The following LAMA3 variants were observed in gnomAD, a reference collection of about 807,000 sequenced individuals.
LAMA3 encodes the protein laminin subunit alpha 3.
A neutral mutation model predicts 402.0 loss-of-function variants in LAMA3; 281 were observed. The observed-to-expected ratio is 0.70, with a 90% CI of 0.63 to 0.77. The LOEUF (loss-of-function observed/expected upper bound fraction) is 0.77. Ranked by LOEUF, LAMA3 falls within the 30% of genes least tolerant of loss-of-function variation. The probability of loss-of-function intolerance (pLI) is 0.00; values close to 1 mark genes in which losing one functional copy is unlikely to be tolerated. For synonymous variants in LAMA3, 1,431 were observed against 1,558.4 expected, an observed-to-expected ratio of 0.92 and a Z score of 1.93; for missense variants, 3,840 against 4,215.5, an observed-to-expected ratio of 0.91 and a Z score of 2.47.
At chr18:23,861,852 C>G (rs760896079) in intron 35 of LAMA3, 45 bp downstream of exon 35, 1 of 1,556,614 alleles carries the variant, frequency 6.4e-7, no homozygotes, top group South Asian at 1.2e-5. Context: ...TGGGCCTCTG[C>G]TATTGCTGCA....
At chr18:23,924,240 C>T (rs1297652770) in intron 62 of LAMA3, among the ~76,000 whole-genome samples, 2 of 152,182 alleles carry the variant, frequency 1.3e-5, no homozygotes, top group Non-Finnish European at 2.9e-5. Context: ...CAACCTCTGC[C>T]TCCTGGGCTC....
chr18:23,822,315 A>G lies in LAMA3; in HGVS notation c.2368A>G (p.Arg790Gly). The change falls in exon 20 of 75, where the codon AGA (arginine) becomes GGA (glycine). Residue 790 changes from arginine (R) to glycine (G), a missense_variant. Arg to Gly is a moderately radical substitution (Grantham distance 125). Coordinates refer to ENST00000313654, the MANE Select transcript of LAMA3 (RefSeq NM_198129.4). ...SSGSLFRVILRYVNPGTEAVS... is the reference protein window; with the variant it reads ...SSGSLFRVILGYVNPGTEAVS... ...TGGCTCCTTGTTTCGTGTTATTCTG[A>G]GATACGTTAACCCTGGAACTGAAGC... 1 of 1,613,750 alleles carries G rather than the reference A, an allele frequency of 6.2e-7. No individual in the cohort carries two copies. Among genetic ancestry groups the G allele is most frequent in the South Asian group, 1.1e-5 (1 of 91,072 alleles).
rs76019487 is a variant in LAMA3 at position 23,736,035 on chromosome 18, G to A, written c.448-11908G>A. ...AGGAATGAGGGATGGTTTTTATTGG[G>A]CCCTTTCAAAAACTTCAACATTAAG... is the stretch of plus-strand genomic sequence containing the variant. On this transcript the variant is annotated intron_variant, in intron 2 of 74. Transcript: ENST00000313654. Among the ~76,000 whole-genome samples the A allele has an allele frequency of 2.0e-5, 3 of 151,962 alleles. No homozygotes were observed. In the East Asian group the frequency reaches 5.8e-4, roughly 29 times the overall value.
Position 23,759,858 on chromosome 18 carries a change from G to A in LAMA3, c.1063+1347G>A, listed in dbSNP as rs921107061. Among the ~76,000 whole-genome samples, 5 of 152,260 alleles carry A rather than the reference G, an allele frequency of 3.3e-5. No homozygotes were observed. The East Asian group carries it at 7.7e-4, about 24-fold the overall frequency. On this transcript the variant is annotated intron_variant, in intron 7 of 74. Transcript: ENST00000313654. ...GGCCATCTCAGGGAAATGCTCTGGC[G>A]CACCTCTGAGTCCCAGGTGTTGCTT...
chr18:23,906,114 A>C (rs1364656990), intron 52 of LAMA3, among the ~76,000 whole-genome samples: 1 of 152,146 alleles, frequency 6.6e-6, no homozygotes, highest in Non-Finnish European at 1.5e-5. Context: ...TCATGTATCC[A>C]CCCAATATTC....
chr18:23,754,186 G>T (rs2061801801), intron 6 of LAMA3, among the ~76,000 whole-genome samples: 1 of 152,136 alleles, frequency 6.6e-6, no homozygotes, highest in Non-Finnish European at 1.5e-5. Context: ...TTAAATTGTG[G>T]TGAAATACAC....
At chr18:23,761,116 T>C (rs1243878071) in intron 7 of LAMA3, among the ~76,000 whole-genome samples, 1 of 152,236 alleles carries the variant, frequency 6.6e-6, no homozygotes, top group East Asian at 1.9e-4. Flanking sequence ...TAATTTTATA[T>C]CCTAATTTTT....
intron 47 of LAMA3, among the ~76,000 whole-genome samples, chr18:23,900,087 A>G (rs200688109): frequency 4.0e-5 from 5 of 125,482 alleles, no homozygotes; most frequent in Admixed American, 8.0e-5. Flanking sequence ...GTGTGTGTGT[A>G]TGTGACAGAG....
intron 12 of LAMA3, among the ~76,000 whole-genome samples, chr18:23,808,684 C>T (rs1386422611): frequency 6.6e-6 from 1 of 152,210 alleles, no homozygotes; most frequent in African/African-American, 2.4e-5. Context: ...AGTTCCCCTC[C>T]ATCAGTGAGA....
At chr18:23,797,790 T>C (rs1032241433) in intron 12 of LAMA3, among the ~76,000 whole-genome samples, 1 of 152,216 alleles carries the variant, frequency 6.6e-6, no homozygotes, top group Non-Finnish European at 1.5e-5. Flanking sequence ...CCAACTGTAG[T>C]CCTGGATTTA....
chr18:23,763,595 A>G (rs2062018651), intron 8 of LAMA3, 72 bp downstream of exon 8: 1 of 946,028 alleles, frequency 1.1e-6, no homozygotes. Context: ...CTGCTCCTGA[A>G]GAGATGTCAA....
At chr18:23,713,528 C>G (rs1449873885) in intron 1 of LAMA3, among the ~76,000 whole-genome samples, 1 of 152,146 alleles carries the variant, frequency 6.6e-6, no homozygotes, top group South Asian at 2.1e-4. Flanking sequence ...ACCCCAGTGC[C>G]GCACACAGAA....
In LAMA3 at chr18:23,813,050, T is replaced by A. The variant is rs2063104827; in HGVS notation, c.1742-7T>A. On this transcript the variant is annotated splice_region_variant and splice_polypyrimidine_tract_variant and intron_variant, in intron 13 of 74. Transcript: ENST00000313654. ...AGATAATTTAAAAATTTCTGAATCA[T>A]ATTCAGGTTCCAGCAGTGCTTGTGA... The A allele has an allele frequency of 6.3e-7, 1 of 1,596,548 alleles. No individual in the cohort carries two copies. The highest frequency in any genetic ancestry group is 8.6e-7 in the Non-Finnish European group (1 of 1,164,218).
chr18:23,824,494 G>T lies in LAMA3; in HGVS notation c.2500G>T (p.Gly834Cys). The change falls in exon 21 of 75, where the codon GGT becomes TGT. Residue 834 changes from glycine (G) to cysteine (C), a missense_variant. This residue lies in a region of LAMA3 where 2,109 missense variants were observed against 2,376.0 expected (regional missense o/e 0.89). Transcript: ENST00000313654. ...EPAFVTVPGN[G>C]FADPFSITPG... ...AGCCTTTGTCACTGTCCCTGGAAAT[G>T]GTTTTGCAGACCCATTTTCAATCAC... 1.2e-6 allele frequency: 2 copies of T among 1,614,096 alleles called. No individual in the cohort carries two copies. The highest frequency in any genetic ancestry group is 1.7e-6 in the Non-Finnish European group (2 of 1,179,984).
intron 29 of LAMA3, among the ~76,000 whole-genome samples, chr18:23,843,899 C>T (rs888932538): frequency 6.6e-6 from 1 of 152,334 alleles, no homozygotes; most frequent in Admixed American, 6.5e-5. Flanking sequence ...CTTTTTCTGA[C>T]ATTTTCTGTC....
At chr18:23,742,083 T>C (rs1172724385) in intron 2 of LAMA3, among the ~76,000 whole-genome samples, 1 of 152,196 alleles carries the variant, frequency 6.6e-6, no homozygotes, top group Non-Finnish European at 1.5e-5. Context: ...GATCGTGCCA[T>C]GGCACTCCAG....
chr18:23,897,083 T>A (rs2080899637), intron 44 of LAMA3, among the ~76,000 whole-genome samples: 1 of 152,116 alleles, frequency 6.6e-6, no homozygotes, highest in African/African-American at 2.4e-5. Flanking sequence ...ATTAGGAAAT[T>A]TGAGGGGGAA....
At chr18:23,829,956 C>T (rs180792756) in intron 23 of LAMA3, among the ~76,000 whole-genome samples, 3 of 152,274 alleles carry the variant, frequency 2.0e-5, no homozygotes, top group Admixed American at 2.0e-4. Flanking sequence ...TAAATTTGAA[C>T]ATCCTTGTCT....
intron 7 of LAMA3, among the ~76,000 whole-genome samples, chr18:23,758,814 A>G (rs1008100081): frequency 6.6e-6 from 1 of 152,192 alleles, no homozygotes. Context: ...ATAAAATTTT[A>G]ACATCTTATC....
Sources: allele counts gnomAD v4.1 joint callset (sites outside exome capture counted in the v4.1 genomes callset), GRCh38; gene constraint gnomAD v4.1.1; regional missense constraint gnomAD v4.1.1; transcripts MANE v1.5; gene names NCBI Gene and HGNC (gene_info 2026-07-23, HGNC 2026-07-21).